The following SORBS2 variants were observed in gnomAD, a reference collection of about 807,000 sequenced individuals.
The protein encoded by SORBS2 is sorbin and SH3 domain-containing protein 2.
A neutral mutation model predicts 97.7 loss-of-function variants in SORBS2; 46 were observed. The observed-to-expected ratio is 0.47, with a 90% CI of 0.37 to 0.60. The LOEUF is 0.60. Among genes scored for constraint, SORBS2 ranks in the 20% least tolerant of loss-of-function variants. SORBS2 has a pLI of 0.00. For synonymous variants in SORBS2, 476 were observed against 473.4 expected (o/e 1.01, Z -0.07); for missense variants, 1,316 against 1,282.3 (o/e 1.03, Z -0.40).
chr4:185,685,752 G>C (rs2097945386), intron 2 of SORBS2, among the ~76,000 whole-genome samples: 1 of 152,106 alleles, frequency 6.6e-6, no homozygotes, highest in African/African-American at 2.4e-5. Flanking sequence ...CAAACTCCCT[G>C]GCTCAAGGGC....
At chr4:185,589,845 G>T in intron 13 of SORBS2, 60 bp from the exon 26 acceptor site, 1 of 926,106 alleles carries the variant, frequency 1.1e-6, no homozygotes, top group Non-Finnish European at 1.8e-6. Context: ...AAATATAGAA[G>T]ATAGAACAAT....
chr4:185,893,181 A>C (rs2149807667), intron 1 of SORBS2, among the ~76,000 whole-genome samples: 1 of 152,300 alleles, frequency 6.6e-6, no homozygotes, highest in South Asian at 2.1e-4. Context: ...ATGAGGAGGA[A>C]GAAAGAAGAG....
At chr4:185,762,845 A>T (rs1223056686) in intron 2 of SORBS2, among the ~76,000 whole-genome samples, 2 of 152,202 alleles carry the variant, frequency 1.3e-5, no homozygotes, top group African/African-American at 4.8e-5. Context: ...TGGCATCCCA[A>T]AATACACCAC....
chr4:185,861,380 C>T (rs868176713), intron 1 of SORBS2, among the ~76,000 whole-genome samples: 2 of 151,780 alleles, frequency 1.3e-5, no homozygotes, highest in African/African-American at 4.8e-5. Context: ...CATGAGCATA[C>T]GGAATGTGTG....
chr4:185,694,617 G>A (rs2098143486), intron 2 of SORBS2, among the ~76,000 whole-genome samples: 1 of 152,080 alleles, frequency 6.6e-6, no homozygotes, highest in South Asian at 2.1e-4. Flanking sequence ...GATTGTTCAT[G>A]GAAGGGCTGT....
At chr4:185,652,593 G>A (rs924351097) in intron 2 of SORBS2, 69 bp downstream of exon 10, 50 of 1,207,560 alleles carry the variant, frequency 4.1e-5, no homozygotes, top group Non-Finnish European at 5.3e-5. Context: ...GAATCAAACC[G>A]ATGCAAAAGA....
chr4:185,604,729 A>G (rs1281805501), intron 12 of SORBS2, among the ~76,000 whole-genome samples: 1 of 152,150 alleles, frequency 6.6e-6, no homozygotes, highest in African/African-American at 2.4e-5. Context: ...TGGTATGATC[A>G]GTTTAATTTT....
intron 1 of SORBS2, among the ~76,000 whole-genome samples, chr4:185,863,320 G>A (rs922437402): frequency 8.5e-5 from 13 of 152,082 alleles, no homozygotes; most frequent in Admixed American, 6.6e-5. Context: ...AAAATGATAT[G>A]CAGTCCTATA....
intron 4 of SORBS2, chr4:185,646,350 AAT>A (rs1039612029): frequency 2.7e-5 from 5 of 187,178 alleles, no homozygotes; most frequent in East Asian, 1.3e-4. Flanking sequence ...CTTGCATATA[AAT>A]ATATATATGT....
intron 11 of SORBS2, among the ~76,000 whole-genome samples, chr4:185,614,009 C>A (rs2096587280): frequency 1.3e-5 from 2 of 152,138 alleles, no homozygotes; most frequent in South Asian, 4.1e-4. Flanking sequence ...TAGAGCCACT[C>A]TAAATATTAC....
Position 185,623,887 on chromosome 4 carries a change from G to A in SORBS2, c.1242C>T (p.Ile414=), listed in dbSNP as rs146483385. The change falls in exon 7 of 15, where the codon ATC becomes ATT. Residue 414 remains isoleucine, a synonymous_variant. Coordinates refer to ENST00000418609, the Ensembl canonical transcript of SORBS2. The surrounding 1 kb of genome is among the most constrained non-coding windows in gnomAD (Gnocchi z 6.4). ...TCTGGATCAGCTTTTCGAATTCGGAGATGCGTGTGGGCACCATGTCCCGGG... is the reference window on the plus strand; with the variant it reads ...TCTGGATCAGCTTTTCGAATTCGGAAATGCGTGTGGGCACCATGTCCCGGG... 9.3e-5 allele frequency: 150 copies of A among 1,614,028 alleles called. No homozygotes were observed. Among genetic ancestry groups the A allele is most frequent in the Middle Eastern group, 1.6e-4 (1 of 6,084 alleles).
chr4:185,627,840 C>G (rs546993663), intron 5 of SORBS2, among the ~76,000 whole-genome samples: 3 of 151,698 alleles, frequency 2.0e-5, no homozygotes, highest in African/African-American at 7.3e-5. Flanking sequence ...TTTCATCCCT[C>G]CCTTCCTCCC....
Position 185,929,974 on chromosome 4 carries a change from A to T in SORBS2, c.-338+26222T>A, listed in dbSNP as rs553196701. On this transcript the variant is annotated intron_variant, in intron 1 of 20. Coordinates refer to the SORBS2 transcript ENST00000284776. ...CTCAGCCATGGATAAAATGGAGATA[A>T]GAAAAGAAATGACTGCACGATGTGG... Among the ~76,000 whole-genome samples the T allele has an allele frequency of 5.3e-5, 8 of 152,338 alleles. No homozygotes were observed. The East Asian group carries it at 1.5e-3, about 29-fold the overall frequency.
At chr4:185,656,864 C>T (rs905012156) in exon 1 of SORBS2, 70 of 1,308,674 alleles carry the variant, frequency 5.3e-5, no homozygotes, top group African/African-American at 1.4e-4. Flanking sequence ...TCAGCAGGCA[C>T]GGCTGAAGAG....
chr4:185,940,124 G>C (rs1561321223), intron 1 of SORBS2, among the ~76,000 whole-genome samples: 1 of 152,092 alleles, frequency 6.6e-6, no homozygotes, highest in Non-Finnish European at 1.5e-5. Flanking sequence ...TTCAGAACTG[G>C]TCCATGGCCT....
intron 4 of SORBS2, among the ~76,000 whole-genome samples, chr4:185,673,635 A>C (rs1321276245): frequency 6.6e-6 from 1 of 152,174 alleles, no homozygotes; most frequent in East Asian, 1.9e-4. Flanking sequence ...AGTTCTATGA[A>C]TGGTTGCTAT....
chr4:185,662,391 T>C, intron 4 of SORBS2, 149 bp from the exon 8 acceptor site: 1 of 768,774 alleles, frequency 1.3e-6, no homozygotes, highest in South Asian at 1.9e-5. Flanking sequence ...TCAGAGGGCA[T>C]GCTACATTCT....
chr4:185,591,459 C>T (rs1248066295), intron 13 of SORBS2, among the ~76,000 whole-genome samples: 4 of 152,226 alleles, frequency 2.6e-5, no homozygotes, highest in Admixed American at 2.6e-4. Flanking sequence ...AGAAACGTCA[C>T]CTGATTTGGA....
chr4:185,942,439 C>A (rs995738441), intron 1 of SORBS2, among the ~76,000 whole-genome samples: 10 of 151,864 alleles, frequency 6.6e-5, no homozygotes, highest in Non-Finnish European at 1.2e-4. Context: ...CAACCTCTGC[C>A]TCCCGGGTTC....
Sources: gnomAD v4.1 joint callset for allele counts (sites outside exome capture counted in the v4.1 genomes callset) on GRCh38, gnomAD v4.1.1 for gene constraint, Gnocchi (gnomAD v3.1) non-coding constraint, MANE v1.5 for transcripts, NCBI Gene and HGNC (gene_info 2026-07-23, HGNC 2026-07-21) for gene names.